FHDC1: variants seen among roughly 807,000 people sequenced by gnomAD.
FHDC1 encodes the protein FH2 domain containing 1.
In FHDC1, 25 loss-of-function variants were observed where a neutral mutation model predicts 52.6. The ratio of observed to expected loss-of-function variants is 0.48; its 90% CI spans 0.35 to 0.66. The LOEUF is 0.66. Ranked by LOEUF, FHDC1 falls within the 30% of genes least tolerant of loss-of-function variation. The pLI, the probability that FHDC1 is intolerant of heterozygous loss-of-function variation, is 0.01. For missense variants in FHDC1, 1,459 were observed against 1,452.8 expected, an observed-to-expected ratio of 1.00 and a Z score of -0.07; for synonymous variants, 616 against 581.5, an observed-to-expected ratio of 1.06 and a Z score of -0.85.
intron 2 of FHDC1, among the ~76,000 whole-genome samples, chr4:152,952,447 C>T (rs1314977027): frequency 6.6e-6 from 1 of 152,084 alleles, no homozygotes; most frequent in Non-Finnish European, 1.5e-5. Flanking sequence ...TTACAGTCCT[C>T]CCTCCATGAC....
chr4:152,975,929 GC>G lies in FHDC1; in HGVS notation c.2641del (p.Arg881GlyfsTer14). 1 of 1,513,850 alleles carries G rather than the reference GC, an allele frequency of 6.6e-7. No individual in the cohort carries two copies. Among genetic ancestry groups the G allele is most frequent in the South Asian group, 1.4e-5 (1 of 73,494 alleles). 93.8% of individuals were successfully genotyped at this position (1,513,850 alleles called of 1,614,324 possible). ...ASPGASKPGS[A>X]RRSQGAVAKS... Reference sequence around the variant, plus strand: ...TCCCGGGGCCTCCAAGCCCGGGAGCGCCCGGCGGAGCCAGGGGGCAGTGGCC... The same window carrying G: ...TCCCGGGGCCTCCAAGCCCGGGAGCGCCGGCGGAGCCAGGGGGCAGTGGCC... On this transcript the variant is annotated frameshift_variant, in exon 12 of 12. Coordinates refer to ENST00000511601, the MANE Select transcript of FHDC1 (RefSeq NM_001371116.1). LOFTEE classifies it low-confidence loss of function (END_TRUNC).
At chr4:152,927,642 A>T in the FHDC1 span, 1 of 1,603,266 alleles carries the variant, frequency 6.2e-7, no homozygotes, top group Non-Finnish European at 8.5e-7. Context: ...GACAGGAAGC[A>T]GCAGGAGTAT....
At chr4:152,916,026 C>G in the FHDC1 span, among the ~76,000 whole-genome samples, 1 of 152,034 alleles carries the variant, frequency 6.6e-6, no homozygotes, top group Non-Finnish European at 1.5e-5. Context: ...ACAGAAGATA[C>G]AGGGGGTTAA....
intron 2 of FHDC1, among the ~76,000 whole-genome samples, chr4:152,947,949 G>A (rs1369324684): frequency 1.3e-5 from 2 of 152,086 alleles, no homozygotes; most frequent in African/African-American, 4.8e-5. Flanking sequence ...TTATGATGCC[G>A]GTATGTTCCA....
intron 11 of FHDC1, among the ~76,000 whole-genome samples, chr4:152,972,993 G>A (rs997644143): frequency 6.6e-6 from 1 of 152,128 alleles, no homozygotes; most frequent in African/African-American, 2.4e-5. Context: ...CTCTGCTGCC[G>A]TCACTGTGGG....
At chr4:152,915,368 G>A in the FHDC1 span, among the ~76,000 whole-genome samples, 1 of 152,156 alleles carries the variant, frequency 6.6e-6, no homozygotes, top group African/African-American at 2.4e-5. Flanking sequence ...TCCCGCATCG[G>A]CTTCCCAAAA....
At position 152,978,829 on chromosome 4, in the gene FHDC1, T is replaced by G. The variant is rs1740989319; in HGVS notation, c.*2106T>G. 3 of 152,178 alleles carry G rather than the reference T, an allele frequency of 2.0e-5. No homozygotes were observed. The highest frequency in any genetic ancestry group is 2.0e-4 in the Admixed American group (3 of 15,276). 9.4% of individuals were successfully genotyped at this position (152,178 alleles called of 1,614,324 possible). A position where few individuals can be genotyped will look rare whatever the true frequency, so the allele number is the denominator to read the frequency against. On this transcript the variant is annotated 3_prime_UTR_variant, in exon 12 of 12. Transcript: ENST00000511601. The stretch of plus-strand genomic sequence containing the variant: ...TCTAAGCGAATTGGAAATGCTGAGC[T>G]TCCATAAGTCAGCTGAGTTTTAAAG...
intron 8 of FHDC1, among the ~76,000 whole-genome samples, chr4:152,964,686 G>A (rs1034795895): frequency 1.6e-4 from 24 of 152,186 alleles, no homozygotes; most frequent in Admixed American, 1.4e-3. Flanking sequence ...TGTATTTTGT[G>A]TCAAGATCAA....
chr4:152,939,108 T>G (rs544593851), intron 1 of FHDC1, among the ~76,000 whole-genome samples: 29 of 151,980 alleles, frequency 1.9e-4, no homozygotes, highest in Non-Finnish European at 3.8e-4. Context: ...TGCGACGGAG[T>G]CTGGCTCTGT....
chr4:152,979,522 G>A lies in FHDC1; in HGVS notation c.*2799G>A, dbSNP rs190455919. On this transcript the variant is annotated 3_prime_UTR_variant, in exon 12 of 12. Coordinates refer to ENST00000511601, the MANE Select transcript of FHDC1 (RefSeq NM_001371116.1). The stretch of plus-strand genomic sequence containing the variant: ...ATCATTGTATTACCTTTTATCGGTA[G>A]TAAGCTTGGAAAAATAATTTAAGAA... 3.3e-5 allele frequency: 5 copies of A among 152,344 alleles called. No individual in the cohort carries two copies. The East Asian group carries it at 7.7e-4, about 23-fold the overall frequency. The allele number at this position is 152,344 out of a possible 1,614,324, so 9.4% of individuals were successfully genotyped here.
intron 8 of FHDC1, 66 bp downstream of exon 8, chr4:152,963,196 C>T: frequency 1.4e-6 from 2 of 1,397,190 alleles, no homozygotes; most frequent in East Asian, 2.3e-5. Context: ...TGAAGTTTTT[C>T]CCAGGCATAA....
In FHDC1 at chr4:152,953,532, A is replaced by G. The variant is rs1462090930; in HGVS notation, c.532A>G (p.Ile178Val). 11 of 1,612,422 alleles carry G rather than the reference A, an allele frequency of 6.8e-6. No individual in the cohort carries two copies. The highest frequency in any genetic ancestry group is 1.3e-5 in the African/African-American group (1 of 74,906). ...TILDAKRSMN[I>V]GIFLKQFKKS... ...TTTGGATGCAAAACGGAGCATGAAC[A>G]TTGGGATATTTCTTAAGCAATTTAA... The change falls in exon 3 of 12, where the codon ATT becomes GTT. Residue 178 changes from isoleucine to valine, a missense_variant. By Grantham distance (29) the Ile-to-Val change is conservative (BLOSUM62 3). This residue lies in a region of FHDC1 where 513 missense variants were observed against 581.5 expected (regional missense o/e 0.88). Transcript: ENST00000511601.
chr4:152,976,888 G>T lies in FHDC1; in HGVS notation c.*165G>T, dbSNP rs988370347. The T allele has an allele frequency of 5.8e-6, 5 of 858,068 alleles. No individual in the cohort carries two copies. Among genetic ancestry groups the T allele is most frequent in the South Asian group, 5.2e-5 (2 of 38,160 alleles). 53.2% of individuals were successfully genotyped at this position (858,068 alleles called of 1,614,324 possible). ...GCACAGTCCAGGAGGCCTGTGGACT[G>T]CAGCCTGCTGTGCTGAGCCCTGCTG... On this transcript the variant is annotated 3_prime_UTR_variant, in exon 12 of 12. Coordinates refer to ENST00000511601, the MANE Select transcript of FHDC1 (RefSeq NM_001371116.1).
At chr4:152,937,936 CT>C (rs1388234033) in intron 1 of FHDC1, among the ~76,000 whole-genome samples, 2 of 152,104 alleles carry the variant, frequency 1.3e-5, no homozygotes, top group African/African-American at 4.8e-5. Flanking sequence ...TGTAAGGAGG[CT>C]GCGGACAGCT....
chr4:152,960,073 T>A (rs1272799645), intron 4 of FHDC1, among the ~76,000 whole-genome samples: 1 of 152,188 alleles, frequency 6.6e-6, no homozygotes. Flanking sequence ...TGAAAGAAAA[T>A]CTGTGTTAGA....
chr4:152,930,997 A>ACACT, the FHDC1 span, among the ~76,000 whole-genome samples: 248 of 113,208 alleles, frequency 2.2e-3, no homozygotes, highest in South Asian at 9.9e-3. Flanking sequence ...ACACACACAC[A>ACACT]CTCTCTCTCT....
the FHDC1 span, among the ~76,000 whole-genome samples, chr4:152,928,878 A>G: frequency 1.3e-5 from 2 of 152,078 alleles, no homozygotes; most frequent in African/African-American, 4.8e-5. Context: ...AAGGACTGCT[A>G]ACAAGAAAGC....
chr4:152,954,987 G>A (rs547016365), intron 4 of FHDC1, among the ~76,000 whole-genome samples: 2 of 152,188 alleles, frequency 1.3e-5, no homozygotes, highest in South Asian at 4.2e-4. Context: ...ATGGCACTTG[G>A]CACGTGGGAG....
chr4:152,928,527 C>T, the FHDC1 span, among the ~76,000 whole-genome samples: 1 of 152,188 alleles, frequency 6.6e-6, no homozygotes, highest in African/African-American at 2.4e-5. Context: ...GTCGACTTGC[C>T]AAAGGGTTTA....
Sources: gnomAD v4.1 joint callset for allele counts (sites outside exome capture counted in the v4.1 genomes callset) on GRCh38, gnomAD v4.1.1 for gene constraint, gnomAD v4.1.1 regional missense constraint, MANE v1.5 for transcripts, NCBI Gene and HGNC (gene_info 2026-07-23, HGNC 2026-07-21) for gene names.